Variants in ENOX2 observed in about 807,000 individuals in gnomAD.
The protein encoded by ENOX2 is APK1 antigen.
A neutral mutation model predicts 45.0 loss-of-function variants in ENOX2; 36 were observed. The ratio of observed to expected loss-of-function variants is 0.80; its 90% CI spans 0.61 to 1.06. ENOX2 has a LOEUF of 1.06. Among genes scored for constraint, ENOX2 ranks in the 50% least tolerant of loss-of-function variants. The pLI, the probability that ENOX2 is intolerant of heterozygous loss-of-function variation, is 0.00. For synonymous variants in ENOX2, 174 were observed against 152.3 expected (o/e 1.14, Z -1.05); for missense variants, 423 against 462.5 (o/e 0.91, Z 0.78).
intron 3 of ENOX2, among the ~76,000 whole-genome samples, chrX:130,706,996 G>T (rs1284908272): frequency 2.7e-5 from 3 of 112,378 alleles, no homozygotes; most frequent in Non-Finnish European, 5.6e-5. Flanking sequence ...TGGATTCAAG[G>T]TCCACGGTAA....
intron 2 of ENOX2, among the ~76,000 whole-genome samples, chrX:130,784,080 A>G (rs998213903): frequency 2.7e-5 from 3 of 111,736 alleles, no homozygotes; most frequent in Non-Finnish European, 3.8e-5. Flanking sequence ...AGGTATGTTG[A>G]TCTCATGCAG....
At chrX:130,792,754 C>T (rs1043412320) in intron 2 of ENOX2, among the ~76,000 whole-genome samples, 5 of 111,985 alleles carry the variant, frequency 4.5e-5, no homozygotes, top group African/African-American at 1.6e-4. Flanking sequence ...GATCACACCA[C>T]TGCACTCTAG....
intron 11 of ENOX2, among the ~76,000 whole-genome samples, chrX:130,635,854 T>G (rs971152079): frequency 8.9e-6 from 1 of 112,353 alleles, no homozygotes; most frequent in Admixed American, 9.4e-5. Flanking sequence ...TTACAAGGCA[T>G]TTTTTTCAAT....
At chrX:130,879,326 G>A (rs1194326014) in intron 2 of ENOX2, among the ~76,000 whole-genome samples, 1 of 111,743 alleles carries the variant, frequency 8.9e-6, no homozygotes, top group Non-Finnish European at 1.9e-5. Context: ...TCAATACACA[G>A]CTAGCACAGG....
intron 2 of ENOX2, among the ~76,000 whole-genome samples, chrX:130,821,123 CTA>C (rs1438337688): frequency 2.7e-5 from 3 of 111,264 alleles, no homozygotes; most frequent in African/African-American, 9.8e-5. Context: ...AAAGAAATGA[CTA>C]ATTCTCTGGG....
intron 2 of ENOX2, among the ~76,000 whole-genome samples, chrX:130,868,372 G>A (rs2078521951): frequency 9.0e-6 from 1 of 111,586 alleles, no homozygotes. Flanking sequence ...CTTAATTTCC[G>A]CCAAGGTACC....
At chrX:130,698,406 T>G (rs897820129) in intron 4 of ENOX2, among the ~76,000 whole-genome samples, 7 of 109,730 alleles carry the variant, frequency 6.4e-5, no homozygotes, top group Admixed American at 2.0e-4. Flanking sequence ...CGTGGTGGCA[T>G]GGAGGAGACT....
intron 3 of ENOX2, among the ~76,000 whole-genome samples, chrX:130,777,499 A>C (rs2039883749): frequency 9.2e-6 from 1 of 108,960 alleles, no homozygotes; most frequent in Non-Finnish European, 1.9e-5. Context: ...CTCTCAAAAA[A>C]AAAAAAAAAA....
chrX:130,848,022 G>T (rs1411642618), intron 2 of ENOX2, among the ~76,000 whole-genome samples: 1 of 111,762 alleles, frequency 8.9e-6, no homozygotes, highest in African/African-American at 3.3e-5. Flanking sequence ...GGGTTTTTTT[G>T]TTGTTGTTTT....
chrX:130,710,739 T>G (rs140415106), intron 3 of ENOX2, among the ~76,000 whole-genome samples: 1,890 of 111,674 alleles, frequency 0.017, 20 homozygotes, highest in Non-Finnish European at 0.025. Context: ...TACCCTACTC[T>G]CTTATGCTAT....
rs7050296 is a variant in ENOX2, at chrX:130,709,469, C to T, written c.-38-6215G>A. 1,449 of 429,133 alleles carry T rather than the reference C, an allele frequency of 3.4e-3. 17 individuals carry two copies. Among genetic ancestry groups the T allele is most frequent in the African/African-American group, 0.03 (1,205 of 39,751 alleles). The allele number at this position is 429,133 out of a possible 1,213,427, so 35.4% of individuals were successfully genotyped here. ...GCCAGGTCAACATGGTAAAACCCAA[C>T]GTCTACTAAAAATATAAAAATTAGC... On this transcript the variant is annotated intron_variant, in intron 3 of 14. Transcript: ENST00000394363.
At chrX:130,770,725 C>T (rs1309935819) in intron 3 of ENOX2, among the ~76,000 whole-genome samples, 3 of 111,472 alleles carry the variant, frequency 2.7e-5, no homozygotes, top group Non-Finnish European at 5.7e-5. Context: ...GTCAAATTGG[C>T]AAAAATTTAT....
At chrX:130,875,760 G>A (rs185210582) in intron 2 of ENOX2, among the ~76,000 whole-genome samples, 60 of 111,417 alleles carry the variant, frequency 5.4e-4, no homozygotes, top group African/African-American at 2.0e-3. Flanking sequence ...TATTATATAT[G>A]ATACCAAAAC....
chrX:130,852,434 T>C lies in ENOX2; in HGVS notation c.-183+49250A>G, dbSNP rs773267574. Among the ~76,000 whole-genome samples the C allele has an allele frequency of 9.8e-5, 11 of 111,850 alleles. No homozygotes were observed. The South Asian group carries it at 4.1e-3, about 42-fold the overall frequency. ...GAGAGACAGTGAACAAATCCATAGATACAAAATAGAGAATCATTAGTCATA... is the reference window on the plus strand; with the variant it reads ...GAGAGACAGTGAACAAATCCATAGACACAAAATAGAGAATCATTAGTCATA... On this transcript the variant is annotated intron_variant, in intron 2 of 14. Transcript: ENST00000394363.
chrX:130,874,690 G>T (rs1182854416), intron 2 of ENOX2, among the ~76,000 whole-genome samples: 45 of 111,476 alleles, frequency 4.0e-4, no homozygotes, highest in African/African-American at 1.5e-3. Flanking sequence ...ATCTTGCTAG[G>T]ATCCAAAAGA....
At chrX:130,796,484 A>T (rs371272504) in intron 2 of ENOX2, among the ~76,000 whole-genome samples, 1 of 112,379 alleles carries the variant, frequency 8.9e-6, no homozygotes, top group East Asian at 2.8e-4. Flanking sequence ...TTTACTAGGT[A>T]TTCTTAACAA....
intron 2 of ENOX2, among the ~76,000 whole-genome samples, chrX:130,881,137 T>C (rs2078800575): frequency 8.9e-6 from 1 of 111,759 alleles, no homozygotes; most frequent in South Asian, 3.7e-4. Flanking sequence ...AACAAAAAAA[T>C]TCAGTTCCTC....
At position 130,667,738 on chromosome X, in the gene ENOX2, ATCATCTG is replaced by A. The variant is rs1243936801; in HGVS notation, c.695-3_698del. The A allele has an allele frequency of 8.4e-7, 1 of 1,183,816 alleles. No homozygotes were observed. The highest frequency in any genetic ancestry group is 2.2e-5 in the Admixed American group (1 of 44,445). On this transcript the variant is annotated splice_acceptor_variant and splice_polypyrimidine_tract_variant and coding_sequence_variant and intron_variant, in exon 8 of 15. Coordinates refer to ENST00000394363, the MANE Select transcript of ENOX2 (RefSeq NM_006375.4). LOFTEE classifies it high-confidence loss of function. ...TCTGTACAGCTTCTGAGAATTTGGA[ATCATCTG>A]AAAAAAATATATTTTTATAACCAAC...
At chrX:130,859,436 A>G (rs2078373991) in intron 2 of ENOX2, among the ~76,000 whole-genome samples, 2 of 113,012 alleles carry the variant, frequency 1.8e-5, no homozygotes, top group Non-Finnish European at 3.7e-5. Context: ...GGCAAAAATA[A>G]AAATATGCAT....
Sources: allele counts gnomAD v4.1 joint callset (sites outside exome capture counted in the v4.1 genomes callset), GRCh38; gene constraint gnomAD v4.1.1; transcripts MANE v1.5; gene names NCBI Gene and HGNC (gene_info 2026-07-23, HGNC 2026-07-21).